Variants in CSMD1 observed in about 807,000 individuals in gnomAD.
CSMD1 encodes the protein CUB and sushi domain-containing protein 1.
Under a neutral mutation model 417.5 loss-of-function variants are expected in CSMD1, and 213 were observed. That is an observed-to-expected ratio of 0.51 (90% CI 0.46 to 0.57). CSMD1 has a LOEUF of 0.57. Among genes scored for constraint, CSMD1 ranks in the 20% least tolerant of loss-of-function variants. The pLI is 0.00. For missense variants in CSMD1, 6,923 were observed against 4,529.7 expected, an observed-to-expected ratio of 1.53 and a Z score of -15.17; for synonymous variants, 2,862 against 1,736.8, an observed-to-expected ratio of 1.65 and a Z score of -16.11.
intron 1 of CSMD1, among the ~76,000 whole-genome samples, chr8:4,739,039 T>A (rs1403250756): frequency 6.7e-6 from 1 of 148,700 alleles, no homozygotes; most frequent in African/African-American, 2.6e-5. Flanking sequence ...GAATGTAGTG[T>A]GAGTAACTGA....
intron 2 of CSMD1, among the ~76,000 whole-genome samples, chr8:4,520,001 T>C (rs1265526272): frequency 6.6e-6 from 1 of 151,736 alleles, no homozygotes; most frequent in African/African-American, 2.4e-5. Flanking sequence ...TCAGAGAAAT[T>C]ATGAAGGGAT....
intron 26 of CSMD1, among the ~76,000 whole-genome samples, chr8:3,236,929 C>G (rs764877961): frequency 2.8e-4 from 43 of 152,062 alleles, no homozygotes; most frequent in Non-Finnish European, 5.3e-4. Context: ...TCTCAAGTCA[C>G]AGAGGCACTT....
chr8:4,922,742 A>C (rs1806578522), intron 1 of CSMD1, among the ~76,000 whole-genome samples: 1 of 152,090 alleles, frequency 6.6e-6, no homozygotes. Flanking sequence ...TCACGCCCCT[A>C]GATTGCCAGA....
intron 3 of CSMD1, among the ~76,000 whole-genome samples, chr8:4,355,116 G>C (rs897318385): frequency 2.6e-5 from 4 of 151,832 alleles, no homozygotes; most frequent in Non-Finnish European, 4.4e-5. Context: ...CAAAAAATTA[G>C]CCGGGCGTGG....
At chr8:4,227,042 A>G (rs142397236) in intron 3 of CSMD1, among the ~76,000 whole-genome samples, 121 of 152,212 alleles carry the variant, frequency 7.9e-4, no homozygotes, top group Non-Finnish European at 5.9e-5. Context: ...GTCTGTATCA[A>G]CTCTAAGACT....
At chr8:3,331,684 G>C (rs930577526) in intron 23 of CSMD1, among the ~76,000 whole-genome samples, 2 of 152,144 alleles carry the variant, frequency 1.3e-5, no homozygotes, top group Non-Finnish European at 2.9e-5. Flanking sequence ...CTTTTACCAT[G>C]GCCCCCAAAG....
At chr8:4,468,263 T>A (rs73660877) in intron 2 of CSMD1, among the ~76,000 whole-genome samples, 4 of 152,222 alleles carry the variant, frequency 2.6e-5, no homozygotes, top group African/African-American at 7.2e-5. Context: ...CTGAGACTCC[T>A]GACCCCACCT....
chr8:4,844,564 G>T (rs1244224690), intron 1 of CSMD1, among the ~76,000 whole-genome samples: 1 of 152,044 alleles, frequency 6.6e-6, no homozygotes, highest in East Asian at 1.9e-4. Flanking sequence ...AGCCATGAGG[G>T]GTGCACAACA....
chr8:4,331,968 T>C (rs1799892161), intron 3 of CSMD1, among the ~76,000 whole-genome samples: 1 of 152,198 alleles, frequency 6.6e-6, no homozygotes, highest in Non-Finnish European at 1.5e-5. Context: ...TTTTCATTTT[T>C]ATGCAAAGCA....
chr8:4,053,869 A>G (rs1038481499), intron 3 of CSMD1, among the ~76,000 whole-genome samples: 20 of 152,190 alleles, frequency 1.3e-4, no homozygotes, highest in Admixed American at 1.3e-3. Flanking sequence ...TTGACTATAC[A>G]TGAAATTAGT....
intron 8 of CSMD1, among the ~76,000 whole-genome samples, chr8:3,592,692 C>CTGTG (rs1800905522): frequency 7.5e-6 from 1 of 133,458 alleles, no homozygotes; most frequent in Non-Finnish European, 1.6e-5. Context: ...GTGTGCACAT[C>CTGTG]CGTGTGTGTG....
At chr8:4,423,830 G>C (rs1259063443) in intron 2 of CSMD1, among the ~76,000 whole-genome samples, 3 of 152,016 alleles carry the variant, frequency 2.0e-5, no homozygotes, top group Non-Finnish European at 4.4e-5. Context: ...TATCTACAAC[G>C]GTTAAGACTA....
In CSMD1 at chr8:4,774,146, G is replaced by C. The variant is rs946800474; in HGVS notation, c.86-136588C>G. ...ACCCAGGAGGTGGAGGTGGCAGTGA[G>C]CCAATATCGTGCCACTGCCTACCAG... On this transcript the variant is annotated intron_variant, in intron 1 of 69. Transcript: ENST00000635120. 3.9e-5 allele frequency among the ~76,000 whole-genome samples: 6 copies of C among 152,196 alleles called. No individual in the cohort carries two copies. The South Asian group carries it at 1.0e-3, about 26-fold the overall frequency.
chr8:4,949,088 G>T lies in CSMD1; in HGVS notation c.85+45244C>A, dbSNP rs561682274. ...GGCTTCTGTTGGGATAACTTTTTTT[G>T]TAACTTTAATCTGTAAATGTGGTAA... On this transcript the variant is annotated intron_variant, in intron 1 of 69. Transcript: ENST00000635120. Among the ~76,000 whole-genome samples, 12 of 151,990 alleles carry T rather than the reference G, an allele frequency of 7.9e-5. No individual in the cohort carries two copies. The East Asian group carries it at 2.3e-3, about 29-fold the overall frequency.
At chr8:4,076,276 T>G (rs1177878194) in intron 3 of CSMD1, among the ~76,000 whole-genome samples, 2 of 152,164 alleles carry the variant, frequency 1.3e-5, no homozygotes, top group African/African-American at 4.8e-5. Context: ...GAAGAATATG[T>G]TTGCTTCTCC....
At chr8:3,194,889 G>A (rs111425321) in intron 33 of CSMD1, among the ~76,000 whole-genome samples, 1 of 152,078 alleles carries the variant, frequency 6.6e-6, no homozygotes, top group African/African-American at 2.4e-5. Context: ...TGAGGAGCCT[G>A]GGAGAGGAGA....
At chr8:4,632,181 G>C (rs1193667204) in intron 2 of CSMD1, among the ~76,000 whole-genome samples, 5 of 152,184 alleles carry the variant, frequency 3.3e-5, no homozygotes, top group Non-Finnish European at 5.9e-5. Context: ...TGGCAGGGAT[G>C]AGTTGCCCTG....
At chr8:3,034,319 A>G (rs1379404896) in intron 50 of CSMD1, among the ~76,000 whole-genome samples, 2 of 152,210 alleles carry the variant, frequency 1.3e-5, no homozygotes, top group African/African-American at 4.8e-5. Flanking sequence ...ACTAATGGTC[A>G]GAGAAAAAGC....
chr8:3,520,317 T>C (rs1585295045), intron 10 of CSMD1, among the ~76,000 whole-genome samples: 2 of 152,260 alleles, frequency 1.3e-5, no homozygotes, highest in East Asian at 3.9e-4. Context: ...GAACTGGCTT[T>C]GATATCAGTG....
Sources: allele counts gnomAD v4.1 joint callset (sites outside exome capture counted in the v4.1 genomes callset), GRCh38; gene constraint gnomAD v4.1.1; transcripts MANE v1.5; gene names NCBI Gene and HGNC (gene_info 2026-07-23, HGNC 2026-07-21).